Variants in WNT7B observed in about 807,000 individuals in gnomAD.
WNT7B encodes the protein protein Wnt-7b.
Under a neutral mutation model 38.2 loss-of-function variants are expected in WNT7B, and 19 were observed. The ratio of observed to expected loss-of-function variants is 0.50; its 90% confidence interval spans 0.35 to 0.73. WNT7B has a LOEUF of 0.73. WNT7B is among the 30% of genes least tolerant of loss of function. The pLI is 0.01. For synonymous variants in WNT7B, 243 were observed against 209.3 expected, an observed-to-expected ratio of 1.16 and a Z score of -1.39; for missense variants, 423 against 507.9, an observed-to-expected ratio of 0.83 and a Z score of 1.61.
rs373228698 is a variant in WNT7B at position 45,942,906 on chromosome 22, T to C, written c.298+7014A>G. Among the ~76,000 whole-genome samples the C allele has an allele frequency of 3.8e-3, 570 of 151,090 alleles. 5 individuals carry two copies. The highest frequency in any genetic ancestry group is 0.012 in the African/African-American group (474 of 40,910). On this transcript the variant is annotated intron_variant, in intron 2 of 3. Transcript: ENST00000339464. ...ATGTATGTGCGTGTGTGTGCGCGCG[T>C]GTGTGCAGTGTGCACGTGTGTGCAT...
chr22:45,969,353 G>A (rs1601743128), intron 1 of WNT7B, among the ~76,000 whole-genome samples: 2 of 152,358 alleles, frequency 1.3e-5, no homozygotes, highest in African/African-American at 2.4e-5. Context: ...TCTGGGAGAG[G>A]AAGACTGAGA....
intron 1 of WNT7B, among the ~76,000 whole-genome samples, chr22:45,964,892 C>T (rs10453458): frequency 0.25 from 38,432 of 152,048 alleles, 5,524 homozygotes; most frequent in East Asian, 0.65. Context: ...GACTCAGCCA[C>T]CTCCTCTCCT....
chr22:45,964,971 C>T (rs375315176), intron 1 of WNT7B, among the ~76,000 whole-genome samples: 31 of 152,156 alleles, frequency 2.0e-4, no homozygotes. Flanking sequence ...CATGCCTCCC[C>T]ATCCTCCACC....
intron 1 of WNT7B, among the ~76,000 whole-genome samples, chr22:45,959,562 C>T (rs1020697364): frequency 6.6e-6 from 1 of 152,142 alleles, no homozygotes; most frequent in African/African-American, 2.4e-5. Context: ...GGGAGCCAGG[C>T]ACCTCCACCT....
intron 3 of WNT7B, among the ~76,000 whole-genome samples, chr22:45,929,525 T>C (rs1306994613): frequency 4.6e-4 from 53 of 114,766 alleles, no homozygotes; most frequent in African/African-American, 1.8e-3. Flanking sequence ...TCCGTCCATC[T>C]TTCCACCCAC....
intron 3 of WNT7B, among the ~76,000 whole-genome samples, chr22:45,929,858 TTCCATCCA>T (rs917478764): frequency 2.7e-4 from 28 of 105,272 alleles, no homozygotes; most frequent in East Asian, 1.3e-3. Flanking sequence ...CCACTCATCC[TTCCATCCA>T]TCCATCCAAC....
At chr22:45,930,529 T>G (rs1415642960) in intron 3 of WNT7B, among the ~76,000 whole-genome samples, 1 of 152,186 alleles carries the variant, frequency 6.6e-6, no homozygotes, top group African/African-American at 2.4e-5. Flanking sequence ...CTCTGACTTC[T>G]TCCCCGGTGT....
intron 1 of WNT7B, among the ~76,000 whole-genome samples, chr22:45,955,430 G>A (rs1483809940): frequency 8.5e-5 from 13 of 152,220 alleles, no homozygotes; most frequent in Admixed American, 1.3e-4. Context: ...ACTGGGGAGC[G>A]TGGGCCGGCC....
At position 45,922,734 on chromosome 22, in the gene WNT7B, G is replaced by A; in HGVS notation, c.*122C>T. ...CGGCCGGTGCCCTCCTGCACCTGGA[G>A]CTCCCCGCTTCTGCACCCGTCTATG... On this transcript the variant is annotated 3_prime_UTR_variant, in exon 4 of 4. Coordinates refer to ENST00000339464, the MANE Select transcript of WNT7B (RefSeq NM_058238.3). The A allele has an allele frequency of 6.9e-7, 1 of 1,457,852 alleles. No individual in the cohort carries two copies. The highest frequency in any genetic ancestry group is 9.1e-7 in the Non-Finnish European group (1 of 1,099,884). The allele number at this position is 1,457,852 out of a possible 1,614,324, so 90.3% of individuals were successfully genotyped here.
chr22:45,952,273 A>T (rs1931951582), intron 1 of WNT7B, among the ~76,000 whole-genome samples: 2 of 152,184 alleles, frequency 1.3e-5, no homozygotes, highest in African/African-American at 4.8e-5. Flanking sequence ...GAGCACCCAC[A>T]GCCAGCTGGA....
rs762780946 is a variant in WNT7B, at chr22:45,922,885, C to T, written c.1021G>A (p.Glu341Lys). ...CCFVKCNTCS[E>K]RTEVFTCK ...TTGCAGGTGAAGACCTCGGTGCGCT[C>T]GCTGCAGGTGTTGCACTTGACGAAG... The change falls in exon 4 of 4, where the codon GAG (glutamate) becomes AAG (lysine). Residue 341 changes from glutamate to lysine, a missense_variant. By Grantham distance (56) the Glu-to-Lys change is moderately conservative. Around this residue, in one of 3 missense-constraint regions of WNT7B, gnomAD observed 158 missense variants for 214.7 expected, o/e 0.74. Coordinates refer to ENST00000339464, the MANE Select transcript of WNT7B (RefSeq NM_058238.3). The T allele has an allele frequency of 3.8e-5, 61 of 1,603,974 alleles. No individual in the cohort carries two copies. Among genetic ancestry groups the T allele is most frequent in the Admixed American group, 8.4e-5 (5 of 59,798 alleles).
intron 3 of WNT7B, chr22:45,927,695 A>G: frequency 2.9e-6 from 2 of 695,576 alleles, no homozygotes; most frequent in South Asian, 3.0e-5. Flanking sequence ...TAGGGGTTCA[A>G]GACCAGCCTG....
rs1931942407 is a variant in WNT7B at position 45,951,909 on chromosome 22, T to A, written c.72-1763A>T. On this transcript the variant is annotated intron_variant, in intron 1 of 3. Coordinates refer to ENST00000339464, the MANE Select transcript of WNT7B (RefSeq NM_058238.3). This position sits in a 1 kb window ranked among gnomAD's most constrained non-coding sequence, Gnocchi z 4.8. ...GGGCATGGACCTATGAGTTGCTGGGTCAGGTGGTCCCTTCGCTTTCTGAGG... is the reference window on the plus strand; with the variant it reads ...GGGCATGGACCTATGAGTTGCTGGGACAGGTGGTCCCTTCGCTTTCTGAGG... 6.6e-6 allele frequency among the ~76,000 whole-genome samples: 1 copy of A among 152,158 alleles called. No individual in the cohort carries two copies. The highest frequency in any genetic ancestry group is 2.4e-5 in the African/African-American group (1 of 41,426).
intron 2 of WNT7B, among the ~76,000 whole-genome samples, chr22:45,941,674 G>T (rs1197682418): frequency 6.6e-6 from 1 of 152,116 alleles, no homozygotes; most frequent in Non-Finnish European, 1.5e-5. Context: ...CAGGAGAGAG[G>T]CGAGGGGCAG....
At chr22:45,958,056 G>A (rs1290504843) in intron 1 of WNT7B, among the ~76,000 whole-genome samples, 1 of 152,258 alleles carries the variant, frequency 6.6e-6, no homozygotes. Context: ...AGCCCTTGGT[G>A]GAGTGGCCTC....
chr22:45,947,131 C>T (rs943190589), intron 2 of WNT7B, among the ~76,000 whole-genome samples: 1 of 152,216 alleles, frequency 6.6e-6, no homozygotes, highest in Non-Finnish European at 1.5e-5. Context: ...GGAAGGGGAA[C>T]GGGGCCTGGC....
chr22:45,949,330 C>T (rs1440909412), intron 2 of WNT7B, among the ~76,000 whole-genome samples: 1 of 136,728 alleles, frequency 7.3e-6, no homozygotes, highest in African/African-American at 2.6e-5. Flanking sequence ...TCCCCACACC[C>T]GCCCACCCAC....
intron 1 of WNT7B, among the ~76,000 whole-genome samples, chr22:45,963,320 G>A (rs767033244): frequency 2.0e-5 from 3 of 152,178 alleles, no homozygotes; most frequent in South Asian, 2.1e-4. Flanking sequence ...TTCCTAGGCC[G>A]CCACCGCCTC....
intron 1 of WNT7B, among the ~76,000 whole-genome samples, chr22:45,967,609 C>T (rs73888734): frequency 3.4e-3 from 520 of 152,098 alleles, no homozygotes; most frequent in African/African-American, 0.012. Flanking sequence ...TAGGGTCCTC[C>T]GAGAACAGAG....
Sources: gnomAD v4.1 joint callset for allele counts (sites outside exome capture counted in the v4.1 genomes callset) on GRCh38, gnomAD v4.1.1 for gene constraint, gnomAD v4.1.1 regional missense constraint, Gnocchi (gnomAD v3.1) non-coding constraint, MANE v1.5 for transcripts, NCBI Gene and HGNC (gene_info 2026-07-23, HGNC 2026-07-21) for gene names.